Variants in FHOD3 observed in about 807,000 individuals in gnomAD.
FHOD3 encodes the protein FH1/FH2 domain-containing protein 3.
In FHOD3, 90 loss-of-function variants were observed where a neutral mutation model predicts 173.0. That is an observed-to-expected ratio of 0.52 (90% CI 0.44 to 0.62). The LOEUF is 0.62. Among genes scored for constraint, FHOD3 ranks in the 20% least tolerant of loss-of-function variants. The probability of loss-of-function intolerance (pLI) is 0.00; values close to 1 mark genes in which losing one functional copy is unlikely to be tolerated. For missense variants in FHOD3, 1,945 were observed against 2,034.7 expected (o/e 0.96, Z 0.85); for synonymous variants, 828 against 823.0 (o/e 1.01, Z -0.10).
chr18:36,711,185 T>G (rs1230485154), intron 18 of FHOD3: 2 of 152,224 alleles, frequency 1.3e-5, no homozygotes, highest in Non-Finnish European at 2.9e-5. Flanking sequence ...AGCTTATTGG[T>G]TCCTAAAAAA....
At chr18:36,551,506 G>A (rs539361164) in intron 5 of FHOD3, among the ~76,000 whole-genome samples, 8 of 152,018 alleles carry the variant, frequency 5.3e-5, no homozygotes, top group African/African-American at 1.9e-4. Context: ...GATTTAATTA[G>A]ATCCCATTTG....
chr18:36,298,008 C>T lies in FHOD3; in HGVS notation c.165+8C>T. 1 of 1,530,882 alleles carries T rather than the reference C, an allele frequency of 6.5e-7. No homozygotes were observed. Among genetic ancestry groups the T allele is most frequent in the South Asian group, 1.2e-5 (1 of 81,342 alleles). The allele number at this position is 1,530,882 out of a possible 1,614,324, so 94.8% of individuals were successfully genotyped here. A position where few individuals can be genotyped will look rare whatever the true frequency, so the allele number is the denominator to read the frequency against. ...CTGCAGGCGCCGCACAAGGTACGAC[C>T]CGGCGGGGTGGGCTGGGCCCCCTGG... On this transcript the variant is annotated splice_region_variant and intron_variant, in intron 1 of 28. Transcript: ENST00000590592.
chr18:36,747,155 T>G lies in FHOD3; in HGVS notation c.4232+20T>G. 6.3e-7 allele frequency: 1 copy of G among 1,575,914 alleles called. No individual in the cohort carries two copies. The highest frequency in any genetic ancestry group is 8.6e-7 in the Non-Finnish European group (1 of 1,159,338). On this transcript the variant is annotated intron_variant, in intron 24 of 28. Transcript: ENST00000590592. ...CAACAGGTAAGTGGATTGAGGAACT[T>G]ATAGAAATATCAGTACAATGGCATA...
chr18:36,743,689 T>A (rs1382065773), intron 22 of FHOD3, among the ~76,000 whole-genome samples: 1 of 152,158 alleles, frequency 6.6e-6, no homozygotes, highest in African/African-American at 2.4e-5. Context: ...CGCAACTTTT[T>A]AAAATTGGCT....
At chr18:36,470,671 C>A (rs564055697) in intron 3 of FHOD3, among the ~76,000 whole-genome samples, 9 of 152,252 alleles carry the variant, frequency 5.9e-5, no homozygotes, top group African/African-American at 2.2e-4. Context: ...TTGTTTGTTC[C>A]CTGGTGAGCA....
At chr18:36,373,015 G>A (rs1316736828) in intron 3 of FHOD3, among the ~76,000 whole-genome samples, 2 of 152,040 alleles carry the variant, frequency 1.3e-5, no homozygotes, top group Non-Finnish European at 2.9e-5. Context: ...TTCTTCTGGG[G>A]ACTGTGCCAT....
intron 9 of FHOD3, among the ~76,000 whole-genome samples, chr18:36,614,544 C>G (rs2033010285): frequency 6.6e-6 from 1 of 152,204 alleles, no homozygotes; most frequent in Non-Finnish European, 1.5e-5. Flanking sequence ...CATATGGTAA[C>G]TATCTTTAAC....
rs560764168 is a variant in FHOD3 at position 36,646,471 on chromosome 18, C to T, written c.1197-2845C>T. 2.6e-5 allele frequency among the ~76,000 whole-genome samples: 4 copies of T among 152,206 alleles called. No individual in the cohort carries two copies. In the South Asian group the frequency reaches 8.3e-4, roughly 32 times the overall value. ...TCTTCAAATTTGCATATAAATTCAA[C>T]ATAATCCCTATCAATAGTACAGCAA... On this transcript the variant is annotated intron_variant, in intron 10 of 28. Transcript: ENST00000590592.
intron 5 of FHOD3, among the ~76,000 whole-genome samples, chr18:36,571,047 A>T (rs545095999): frequency 9.2e-5 from 14 of 152,298 alleles, no homozygotes; most frequent in African/African-American, 3.1e-4. Flanking sequence ...AGGGATATAG[A>T]TTGGGAAGGA....
At chr18:36,669,434 T>C (rs1345995174) in intron 14 of FHOD3, among the ~76,000 whole-genome samples, 11 of 151,988 alleles carry the variant, frequency 7.2e-5, no homozygotes, top group Admixed American at 7.2e-4. Context: ...AATGTGATTA[T>C]TGATTTGTTT....
chr18:36,596,069 G>T (rs151125355), intron 7 of FHOD3, among the ~76,000 whole-genome samples: 17 of 152,278 alleles, frequency 1.1e-4, no homozygotes, highest in Non-Finnish European at 2.1e-4. Flanking sequence ...GCATAAACCA[G>T]CCAGGATGTG....
chr18:36,395,989 G>T (rs1043007192), intron 3 of FHOD3, among the ~76,000 whole-genome samples: 1 of 152,092 alleles, frequency 6.6e-6, no homozygotes, highest in Non-Finnish European at 1.5e-5. Context: ...CTTTAGAAAG[G>T]TCTCTGAAAT....
intron 19 of FHOD3, among the ~76,000 whole-genome samples, chr18:36,724,148 C>T (rs2040930774): frequency 6.6e-6 from 1 of 152,258 alleles, no homozygotes; most frequent in Admixed American, 6.5e-5. Context: ...CTGACTCGGG[C>T]ATCTCCTCTG....
At chr18:36,298,119 A>T (rs2091846660) in intron 1 of FHOD3, 119 bp downstream of exon 1, 1 of 942,104 alleles carries the variant, frequency 1.1e-6, no homozygotes, top group South Asian at 2.3e-5. Flanking sequence ...GCCCGGGGGG[A>T]CCATCGCTCG....
rs192194684 is a variant in FHOD3, at chr18:36,474,876, C to T, written c.338-27056C>T. ...CCCTCTGGACTTTTGAAAGTTTGGC[C>T]GGTTTCCCTTTAAGCTGAAGTCAAA... is the stretch of plus-strand genomic sequence containing the variant. On this transcript the variant is annotated intron_variant, in intron 3 of 28. Coordinates refer to ENST00000590592, the MANE Select transcript of FHOD3 (RefSeq NM_001281740.3). Among the ~76,000 whole-genome samples the T allele has an allele frequency of 4.9e-4, 74 of 152,010 alleles. No homozygotes were observed. In the East Asian group the frequency reaches 0.013, roughly 27 times the overall value.
At chr18:36,561,049 T>G (rs1008327810) in intron 5 of FHOD3, among the ~76,000 whole-genome samples, 16 of 152,134 alleles carry the variant, frequency 1.1e-4, no homozygotes, top group Non-Finnish European at 5.9e-5. Context: ...CTGTACACAT[T>G]TGTGATATCT....
chr18:36,652,533 T>C (rs1270752381), intron 11 of FHOD3, 37 bp from the exon 12 acceptor site: 8 of 1,495,760 alleles, frequency 5.3e-6, no homozygotes, highest in Non-Finnish European at 6.2e-6. Flanking sequence ...CCCAAATCTT[T>C]TTTTCTTCTT....
intron 14 of FHOD3, among the ~76,000 whole-genome samples, chr18:36,677,141 G>A (rs891414182): frequency 6.6e-6 from 1 of 151,214 alleles, no homozygotes; most frequent in South Asian, 2.1e-4. Context: ...TTTATATTTG[G>A]TATAAGGTGG....
chr18:36,531,951 G>A (rs12960763), intron 5 of FHOD3, among the ~76,000 whole-genome samples: 20,843 of 152,168 alleles, frequency 0.14, 1,927 homozygotes, highest in East Asian at 0.48. Flanking sequence ...TCCTTTTGCC[G>A]AGTCTTGTAC....
Sources: allele counts gnomAD v4.1 joint callset (sites outside exome capture counted in the v4.1 genomes callset), GRCh38; gene constraint gnomAD v4.1.1; transcripts MANE v1.5; gene names NCBI Gene and HGNC (gene_info 2026-07-23, HGNC 2026-07-21).